The following PRDM11 variants were observed in gnomAD, a reference collection of about 807,000 sequenced individuals.
PRDM11 encodes PR/SET domain 11.
PRDM11 carries 20 observed loss-of-function variants against 97.8 expected under a neutral mutation model. The observed-to-expected ratio is 0.20, with a 90% CI of 0.14 to 0.30. The LOEUF (loss-of-function observed/expected upper bound fraction) is 0.30, where lower values mean the gene tolerates loss of function less well. Among genes scored for constraint, PRDM11 ranks in the 10% least tolerant of loss-of-function variants. The probability of loss-of-function intolerance (pLI) is 1.00; values close to 1 mark genes in which losing one functional copy is unlikely to be tolerated. For synonymous variants in PRDM11, 599 were observed against 637.7 expected (o/e 0.94, Z 0.91); for missense variants, 1,139 against 1,555.2 (o/e 0.73, Z 4.50).
chr11:45,184,105 C>T (rs1852616213), intron 4 of PRDM11, among the ~76,000 whole-genome samples: 1 of 152,138 alleles, frequency 6.6e-6, no homozygotes, highest in South Asian at 2.1e-4. Flanking sequence ...GAGGTGAATG[C>T]CTACCAGGTG....
At chr11:45,160,174 G>A (rs751707253) in intron 1 of PRDM11, among the ~76,000 whole-genome samples, 4 of 152,196 alleles carry the variant, frequency 2.6e-5, no homozygotes, top group Non-Finnish European at 5.9e-5. Flanking sequence ...ATACCTTGTG[G>A]TGTTTAAATT....
rs201362155 is a variant in PRDM11, at chr11:45,182,200, C to T, written c.120-46C>T. 5.0e-5 allele frequency: 79 copies of T among 1,565,504 alleles called. 1 individual carries two copies. The South Asian group carries it at 7.6e-4, about 15-fold the overall frequency. On this transcript the variant is annotated intron_variant, in intron 2 of 7. Transcript: ENST00000683152. ...CTTTTGTCCCCACTGGGCTCTCACT[C>T]TCTGATGACTTCTTTGCTTTCTTTG...
rs752227651 is a variant in PRDM11, at chr11:45,219,673, T to C, written c.658T>C (p.Trp220Arg). The change falls in exon 6 of 8, where the codon TGG (tryptophan) becomes CGG (arginine). Residue 220 changes from tryptophan (W) to arginine (R), a missense_variant. By Grantham distance (101) the Trp-to-Arg change is moderately radical (BLOSUM62 -3). This residue lies in a region of PRDM11 where 429 missense variants were observed against 510.3 expected (regional missense o/e 0.84). Coordinates refer to ENST00000683152, the MANE Select transcript of PRDM11 (RefSeq NM_001384648.1). This position sits in a 1 kb window ranked among gnomAD's most constrained non-coding sequence, Gnocchi z 4.2. ...RACRDIRPGE[W>R]LRVWYSEDYM... ...GTGCAGGGACATCCGGCCTGGGGAGTGGCTGCGGGTCTGGTACAGCGAGGA... is the reference window on the plus strand; with the variant it reads ...GTGCAGGGACATCCGGCCTGGGGAGCGGCTGCGGGTCTGGTACAGCGAGGA... 4 of 1,613,380 alleles carry C rather than the reference T, an allele frequency of 2.5e-6. No homozygotes were observed. Among genetic ancestry groups the C allele is most frequent in the Non-Finnish European group, 3.4e-6 (4 of 1,179,878 alleles).
At chr11:45,113,734 G>C (rs887862044) in intron 1 of PRDM11, among the ~76,000 whole-genome samples, 1 of 151,150 alleles carries the variant, frequency 6.6e-6, no homozygotes, top group Admixed American at 6.6e-5. Context: ...AAGGGAGTGA[G>C]TTCATGATTG....
chr11:45,102,657 C>T (rs967978318), intron 1 of PRDM11, among the ~76,000 whole-genome samples: 3 of 152,162 alleles, frequency 2.0e-5, no homozygotes, highest in Admixed American at 6.5e-5. Context: ...CTCCTTCCCC[C>T]CTGCCATCCC....
chr11:45,210,103 CCCGGG>C (rs1292966755), intron 5 of PRDM11, among the ~76,000 whole-genome samples: 1 of 152,170 alleles, frequency 6.6e-6, no homozygotes, highest in Non-Finnish European at 1.5e-5. Context: ...GCTGTGAAGG[CCCGGG>C]CCGGGCCATG....
At chr11:45,171,113 T>G (rs1852192228) in intron 1 of PRDM11, among the ~76,000 whole-genome samples, 1 of 152,106 alleles carries the variant, frequency 6.6e-6, no homozygotes, top group South Asian at 2.1e-4. Context: ...GTTTTGTTTT[T>G]TTTTGAGATG....
At chr11:45,192,186 G>A (rs137963947) in intron 4 of PRDM11, among the ~76,000 whole-genome samples, 2,922 of 152,292 alleles carry the variant, frequency 0.019, 42 homozygotes, top group Non-Finnish European at 0.03. Context: ...GGGCACACAC[G>A]TAACAGTCAG....
At chr11:45,099,871 G>C (rs1307255955) in intron 1 of PRDM11, among the ~76,000 whole-genome samples, 1 of 152,132 alleles carries the variant, frequency 6.6e-6, no homozygotes, top group Non-Finnish European at 1.5e-5. Context: ...GAGCTCTTCA[G>C]CCTGTCTCAG....
rs1237164178 is a variant in PRDM11 at position 45,227,458 on chromosome 11, G to A, written c.2833G>A (p.Ala945Thr). The part of the protein sequence containing the change: ...ENFRESFNGI[A>T]MKNLRVAEAK... ...TTTCCGAGAGAGCTTCAACGGGATCGCCATGAAGAACCTCAGGGTGGCTGA... is the reference window on the plus strand; with the variant it reads ...TTTCCGAGAGAGCTTCAACGGGATCACCATGAAGAACCTCAGGGTGGCTGA... Residue 945 changes from alanine to threonine, a missense_variant, in exon 8 of 8, where the codon GCC (alanine) becomes ACC (threonine). Ala to Thr is a moderately conservative substitution (Grantham distance 58, BLOSUM62 0). Coordinates refer to ENST00000683152, the MANE Select transcript of PRDM11 (RefSeq NM_001384648.1). The surrounding 1 kb of genome is among the most constrained non-coding windows in gnomAD (Gnocchi z 8.0). 23 of 1,533,682 alleles carry A rather than the reference G, an allele frequency of 1.5e-5. No individual in the cohort carries two copies. Among genetic ancestry groups the A allele is most frequent in the South Asian group, 3.6e-5 (3 of 83,968 alleles).
intron 4 of PRDM11, among the ~76,000 whole-genome samples, chr11:45,194,599 T>G (rs1853041318): frequency 8.0e-6 from 1 of 124,458 alleles, no homozygotes; most frequent in South Asian, 3.1e-4. Flanking sequence ...TCTGTTTTTT[T>G]TTTTTTTTTT....
intron 4 of PRDM11, among the ~76,000 whole-genome samples, chr11:45,193,555 A>G (rs1160697783): frequency 2.6e-5 from 4 of 152,226 alleles, no homozygotes; most frequent in Non-Finnish European, 5.9e-5. Flanking sequence ...CCATGTTCCA[A>G]TAAAAGTTTA....
intron 2 of PRDM11, 59 bp downstream of exon 2, chr11:45,181,944 C>T (rs1852521146): frequency 6.7e-6 from 10 of 1,503,146 alleles, no homozygotes; most frequent in Admixed American, 3.6e-5. Flanking sequence ...TGCCTGGGCT[C>T]GGTTGGTTGG....
intron 1 of PRDM11, among the ~76,000 whole-genome samples, chr11:45,154,214 G>A (rs1424279308): frequency 3.9e-5 from 6 of 152,178 alleles, no homozygotes; most frequent in Non-Finnish European, 8.8e-5. Context: ...AAATTACCTG[G>A]GCTTGGTGAT....
chr11:45,182,301 A>G lies in PRDM11; in HGVS notation c.175A>G (p.Lys59Glu), dbSNP rs759624607. Residue 59 changes from lysine (K) to glutamate (E), a missense_variant, in exon 3 of 8, where the codon AAG (lysine) becomes GAG (glutamate). This residue lies in a region of PRDM11 where 429 missense variants were observed against 510.3 expected (regional missense o/e 0.84). Coordinates refer to ENST00000683152, the MANE Select transcript of PRDM11 (RefSeq NM_001384648.1). Reference sequence around the variant, plus strand: ...AGTTGAGCCCAAGAAACTGAAGGGGAAGCGCGACCTCATCGTGCCCAAAAG... The same window carrying G: ...AGTTGAGCCCAAGAAACTGAAGGGGGAGCGCGACCTCATCGTGCCCAAAAG... Reference protein sequence around the residue: ...MEVEPKKLKGKRDLIVPKSFQ... With the variant: ...MEVEPKKLKGERDLIVPKSFQ... 6.2e-7 allele frequency: 1 copy of G among 1,614,044 alleles called. No homozygotes were observed.
chr11:45,180,931 G>C (rs1380484881), intron 1 of PRDM11, among the ~76,000 whole-genome samples: 1 of 152,076 alleles, frequency 6.6e-6, no homozygotes, highest in Non-Finnish European at 1.5e-5. Context: ...CCCAGTCGCC[G>C]CCGCCGGCTT....
At chr11:45,138,482 C>T (rs758354166) in intron 1 of PRDM11, among the ~76,000 whole-genome samples, 8 of 152,110 alleles carry the variant, frequency 5.3e-5, no homozygotes, top group Non-Finnish European at 7.4e-5. Flanking sequence ...GTGGAAGGAT[C>T]GCTTGAGCCT....
At chr11:45,109,837 C>A (rs778874876) in intron 1 of PRDM11, among the ~76,000 whole-genome samples, 8 of 152,162 alleles carry the variant, frequency 5.3e-5, no homozygotes, top group Non-Finnish European at 1.2e-4. Context: ...AAAATTCCTT[C>A]CCTTTCTGAG....
chr11:45,137,428 T>C (rs1378342581), intron 1 of PRDM11, among the ~76,000 whole-genome samples: 11 of 145,148 alleles, frequency 7.6e-5, no homozygotes, highest in African/African-American at 2.8e-4. Context: ...AGACTCCGTC[T>C]CAAAAAAAAA....
Sources: gnomAD v4.1 joint callset for allele counts (sites outside exome capture counted in the v4.1 genomes callset) on GRCh38, gnomAD v4.1.1 for gene constraint, gnomAD v4.1.1 regional missense constraint, Gnocchi (gnomAD v3.1) non-coding constraint, MANE v1.5 for transcripts, NCBI Gene and HGNC (gene_info 2026-07-23, HGNC 2026-07-21) for gene names.